Variants in WIPF1 observed in about 807,000 individuals in gnomAD.
WIPF1 encodes WAS/WASL-interacting protein family member 1.
Under a neutral mutation model 35.4 loss-of-function variants are expected in WIPF1, and 13 were observed. The observed-to-expected ratio is 0.37, with a 90% confidence interval of 0.24 to 0.58. The LOEUF is 0.58. Among genes scored for constraint, WIPF1 ranks in the 20% least tolerant of loss-of-function variants. WIPF1 has a pLI of 0.74. For missense variants in WIPF1, 591 were observed against 667.0 expected (o/e 0.89, Z 1.25); for synonymous variants, 267 against 266.3 (o/e 1.00, Z -0.02).
intron 6 of WIPF1, 122 bp downstream of exon 6, chr2:174,567,739 G>C: frequency 9.0e-7 from 1 of 1,105,992 alleles, no homozygotes; most frequent in Non-Finnish European, 1.3e-6. Context: ...AGTTAGATCA[G>C]TGCAATGGAG....
intron 1 of WIPF1, among the ~76,000 whole-genome samples, chr2:174,635,089 C>G (rs1687145263): frequency 6.6e-6 from 1 of 152,204 alleles, no homozygotes; most frequent in Admixed American, 6.5e-5. Flanking sequence ...GTTCATATTT[C>G]TGGATCCTGC....
chr2:174,625,771 G>A (rs1468082491), intron 1 of WIPF1: 1 of 152,150 alleles, frequency 6.6e-6, no homozygotes, highest in Admixed American at 6.5e-5. Context: ...TGACTAAAAA[G>A]TAAAGACAAA....
chr2:174,572,484 G>A, intron 4 of WIPF1, 38 bp from the exon 5 acceptor site: 1 of 1,612,674 alleles, frequency 6.2e-7, no homozygotes, highest in Non-Finnish European at 8.5e-7. Context: ...TAGGAAATCA[G>A]GAACCCTGAA....
intron 1 of WIPF1, among the ~76,000 whole-genome samples, chr2:174,681,845 G>C (rs1249279386): frequency 6.6e-6 from 1 of 152,156 alleles, no homozygotes; most frequent in African/African-American, 2.4e-5. Flanking sequence ...ATACTCCATC[G>C]GGATTTAAGC....
intron 5 of WIPF1, among the ~76,000 whole-genome samples, chr2:174,570,911 A>G (rs769214078): frequency 6.6e-6 from 1 of 152,216 alleles, no homozygotes; most frequent in Admixed American, 6.5e-5. Context: ...AAAAATGCCT[A>G]TTATAATTCG....
At chr2:174,604,189 G>A (rs1015033086) in intron 1 of WIPF1, among the ~76,000 whole-genome samples, 1 of 152,198 alleles carries the variant, frequency 6.6e-6, no homozygotes, top group Non-Finnish European at 1.5e-5. Flanking sequence ...TTTGTGCCCA[G>A]CTTTATAAAT....
At chr2:174,594,726 C>T (rs1685739707) in intron 1 of WIPF1, among the ~76,000 whole-genome samples, 1 of 123,622 alleles carries the variant, frequency 8.1e-6, no homozygotes, top group African/African-American at 2.8e-5. Flanking sequence ...CATACACACA[C>T]AGCATATATG....
At chr2:174,582,705 G>A (rs367888369) in intron 2 of WIPF1, among the ~76,000 whole-genome samples, 1 of 152,160 alleles carries the variant, frequency 6.6e-6, no homozygotes, top group Non-Finnish European at 1.5e-5. Flanking sequence ...TTACAGGCAC[G>A]AGCTACTGCT....
intron 1 of WIPF1, among the ~76,000 whole-genome samples, chr2:174,640,471 C>T (rs1687273945): frequency 1.3e-5 from 2 of 148,862 alleles, no homozygotes; most frequent in Non-Finnish European, 3.0e-5. Flanking sequence ...GCACATTGTG[C>T]ACATGTACCC....
At chr2:174,627,980 T>C (rs1574846633) in intron 1 of WIPF1, among the ~76,000 whole-genome samples, 1 of 152,132 alleles carries the variant, frequency 6.6e-6, no homozygotes, top group South Asian at 2.1e-4. Context: ...CTGTTTACCC[T>C]GAAAAGACCC....
At chr2:174,621,264 A>G (rs1449348291) in intron 1 of WIPF1, among the ~76,000 whole-genome samples, 1 of 152,098 alleles carries the variant, frequency 6.6e-6, no homozygotes, top group African/African-American at 2.4e-5. Context: ...AGACATAGAG[A>G]CTAATTAGAT....
rs547481183 is a variant in WIPF1 at position 174,581,769 on chromosome 2, G to C, written c.52-330C>G. Among the ~76,000 whole-genome samples, 86 of 152,260 alleles carry C rather than the reference G, an allele frequency of 5.6e-4. No homozygotes were observed. The South Asian group carries it at 8.9e-3, about 16-fold the overall frequency. On this transcript the variant is annotated intron_variant, in intron 2 of 7. Coordinates refer to ENST00000679041, the MANE Select transcript of WIPF1 (RefSeq NM_001375834.1). ...ACACGAGAAAAGAATTTTAAGTCTG[G>C]GAGGATTCTGCAGGACATTACCAGA...
At chr2:174,649,685 A>T (rs1009726710) in intron 1 of WIPF1, among the ~76,000 whole-genome samples, 9 of 152,070 alleles carry the variant, frequency 5.9e-5, no homozygotes, top group African/African-American at 1.7e-4. Context: ...CTGTGCCTTT[A>T]TATGTAGGAC....
rs917976536 is a variant in WIPF1, at chr2:174,571,459, G to C, written c.1129+217C>G. 5 of 659,742 alleles carry C rather than the reference G, an allele frequency of 7.6e-6. No homozygotes were observed. The highest frequency in any genetic ancestry group is 1.4e-5 in the Non-Finnish European group (5 of 369,308). 40.9% of individuals were successfully genotyped at this position (659,742 alleles called of 1,614,324 possible). A position where few individuals can be genotyped will look rare whatever the true frequency, so the allele number is the denominator to read the frequency against. On this transcript the variant is annotated intron_variant, in intron 5 of 7. Transcript: ENST00000679041. The surrounding 1 kb of genome is among the most constrained non-coding windows in gnomAD (Gnocchi z 4.6). ...ACCATTTAACTTTATTAGCTACTCA[G>C]TGTCCTCATCTCTAAAACACCAACA...
At chr2:174,627,138 C>A (rs1686863708) in intron 1 of WIPF1, among the ~76,000 whole-genome samples, 1 of 152,214 alleles carries the variant, frequency 6.6e-6, no homozygotes. Context: ...CTACACCCAT[C>A]CTCCACCACT....
intron 1 of WIPF1, among the ~76,000 whole-genome samples, chr2:174,645,664 G>A (rs1687392691): frequency 6.6e-6 from 1 of 152,148 alleles, no homozygotes; most frequent in African/African-American, 2.4e-5. Context: ...CTATACACTG[G>A]TACCTTGTTG....
intron 2 of WIPF1, 146 bp from the exon 3 acceptor site, chr2:174,581,585 A>G: frequency 2.0e-6 from 2 of 981,486 alleles, no homozygotes; most frequent in Non-Finnish European, 2.9e-6. Context: ...TTTAGACCCC[A>G]TATCTTTCTT....
intron 3 of WIPF1, 26 bp downstream of exon 3, chr2:174,581,284 A>G (rs1685233146): frequency 6.2e-7 from 1 of 1,613,138 alleles, no homozygotes; most frequent in Non-Finnish European, 8.5e-7. Flanking sequence ...GTTCCTCTCC[A>G]TGGTAGATAG....
chr2:174,587,003 A>C (rs1442376111), intron 1 of WIPF1, among the ~76,000 whole-genome samples: 2 of 152,166 alleles, frequency 1.3e-5, no homozygotes, highest in African/African-American at 4.8e-5. Flanking sequence ...TTCTTTAAAA[A>C]ATTTTTTTAA....
Sources: gnomAD v4.1 joint callset for allele counts (sites outside exome capture counted in the v4.1 genomes callset) on GRCh38, gnomAD v4.1.1 for gene constraint, Gnocchi (gnomAD v3.1) non-coding constraint, MANE v1.5 for transcripts, NCBI Gene and HGNC (gene_info 2026-07-23, HGNC 2026-07-21) for gene names.